CCSER1: variants seen among roughly 807,000 people sequenced by gnomAD.
CCSER1 encodes serine-rich coiled-coil domain-containing protein 1.
Under a neutral mutation model 82.0 loss-of-function variants are expected in CCSER1, and 41 were observed. That is an observed-to-expected ratio of 0.50 (90% CI 0.39 to 0.65). The LOEUF (loss-of-function observed/expected upper bound fraction) is 0.65. Among genes scored for constraint, CCSER1 ranks in the 30% least tolerant of loss-of-function variants. CCSER1 has a pLI of 0.00. For missense variants in CCSER1, 1,119 were observed against 1,064.2 expected, an observed-to-expected ratio of 1.05 and a Z score of -0.72; for synonymous variants, 414 against 383.9, an observed-to-expected ratio of 1.08 and a Z score of -0.92.
At chr4:90,382,097 A>T (rs1019051543) in intron 3 of CCSER1, among the ~76,000 whole-genome samples, 17 of 152,122 alleles carry the variant, frequency 1.1e-4, no homozygotes, top group African/African-American at 3.9e-4. Context: ...GGATAAAATA[A>T]AAACATTTGT....
At chr4:90,284,712 T>C (rs1051239811) in intron 1 of CCSER1, among the ~76,000 whole-genome samples, 5 of 151,932 alleles carry the variant, frequency 3.3e-5, no homozygotes, top group Admixed American at 1.3e-4. Context: ...AGGCTGGTCT[T>C]GAACTGCTGA....
intron 10 of CCSER1, among the ~76,000 whole-genome samples, chr4:91,570,728 G>A (rs1763135277): frequency 6.6e-6 from 1 of 152,150 alleles, no homozygotes; most frequent in Non-Finnish European, 1.5e-5. Flanking sequence ...AGGCCTTTGG[G>A]TCTGTGATGG....
chr4:91,392,715 A>G (rs1449230756), intron 10 of CCSER1, among the ~76,000 whole-genome samples: 1 of 152,156 alleles, frequency 6.6e-6, no homozygotes, highest in Non-Finnish European at 1.5e-5. Flanking sequence ...TGATGCATTT[A>G]TATTTAGATA....
intron 5 of CCSER1, among the ~76,000 whole-genome samples, chr4:90,558,224 G>T (rs767503205): frequency 1.3e-5 from 2 of 151,934 alleles, no homozygotes; most frequent in Admixed American, 1.3e-4. Flanking sequence ...TAGCATAGCT[G>T]GGTTGCAATT....
chr4:91,191,359 A>G (rs1048666013), intron 10 of CCSER1, among the ~76,000 whole-genome samples: 1 of 152,126 alleles, frequency 6.6e-6, no homozygotes, highest in African/African-American at 2.4e-5. Context: ...TTCTGCATCA[A>G]GCTTTCTTCT....
intron 10 of CCSER1, among the ~76,000 whole-genome samples, chr4:91,296,581 CA>C (rs1341756259): frequency 6.8e-6 from 1 of 146,710 alleles, no homozygotes; most frequent in Non-Finnish European, 1.5e-5. Context: ...ATATAGTTAA[CA>C]TATAGTTATG....
chr4:91,358,687 A>T lies in CCSER1; in HGVS notation c.2218-239885A>T, dbSNP rs143185527. On this transcript the variant is annotated intron_variant, in intron 10 of 10. Coordinates refer to ENST00000509176, the MANE Select transcript of CCSER1 (RefSeq NM_001145065.2). ...GAGGCAAGTTCCAAAGACTAGTCTT[A>T]CCAAGTTTCAGATGTCCGGACTCCA... is the stretch of plus-strand genomic sequence containing the variant. Among the ~76,000 whole-genome samples, 15 of 152,294 alleles carry T rather than the reference A, an allele frequency of 9.8e-5. No homozygotes were observed. The East Asian group carries it at 1.5e-3, about 16-fold the overall frequency.
intron 8 of CCSER1, among the ~76,000 whole-genome samples, chr4:90,843,680 T>C (rs989085946): frequency 5.3e-5 from 8 of 152,202 alleles, no homozygotes; most frequent in Non-Finnish European, 1.0e-4. Flanking sequence ...GGATTTTCCG[T>C]ATGCCTTGTT....
At chr4:90,368,785 C>CTT (rs1746789556) in intron 3 of CCSER1, among the ~76,000 whole-genome samples, 1 of 151,242 alleles carries the variant, frequency 6.6e-6, no homozygotes, top group African/African-American at 2.4e-5. Context: ...CACACACACA[C>CTT]TACTAAAAAA....
In CCSER1 at chr4:90,308,538, A is replaced by T. The variant is rs772903231; in HGVS notation, c.254A>T (p.Gln85Leu). The change falls in exon 2 of 11, where the codon CAG becomes CTG. Residue 85 changes from glutamine to leucine, a missense_variant. Gln to Leu is a moderately radical substitution (Grantham distance 113). Transcript: ENST00000509176. Reference protein sequence around the residue: ...GSEPKQEPTNQNLSISNGAQP... With the variant: ...GSEPKQEPTNLNLSISNGAQP... ...GAGCCTAAGCAAGAGCCTACCAACC[A>T]GAACCTTAGTATTTCAAATGGTGCT... 1.9e-6 allele frequency: 3 copies of T among 1,613,968 alleles called. No homozygotes were observed. The highest frequency in any genetic ancestry group is 2.5e-6 in the Non-Finnish European group (3 of 1,179,860).
chr4:90,317,857 A>G (rs954382692), intron 3 of CCSER1, among the ~76,000 whole-genome samples: 2 of 152,180 alleles, frequency 1.3e-5, no homozygotes, highest in Non-Finnish European at 2.9e-5. Context: ...AAATACTTTG[A>G]ATTGTGAAAC....
chr4:90,805,648 G>A (rs1757410156), intron 7 of CCSER1, among the ~76,000 whole-genome samples: 1 of 152,198 alleles, frequency 6.6e-6, no homozygotes, highest in African/African-American at 2.4e-5. Flanking sequence ...ACCACACTGA[G>A]TTCCATATTT....
intron 8 of CCSER1, among the ~76,000 whole-genome samples, chr4:90,817,137 CT>C (rs2149771483): frequency 6.6e-6 from 1 of 152,016 alleles, no homozygotes; most frequent in South Asian, 2.1e-4. Context: ...AAATATAGCC[CT>C]CTAGGTACAT....
chr4:91,006,050 A>G (rs1256120446), intron 9 of CCSER1, among the ~76,000 whole-genome samples: 1 of 152,152 alleles, frequency 6.6e-6, no homozygotes, highest in Non-Finnish European at 1.5e-5. Flanking sequence ...TGCGTTGACT[A>G]CTTGAGATCT....
At chr4:91,413,452 C>A (rs1247676414) in intron 10 of CCSER1, among the ~76,000 whole-genome samples, 1 of 150,844 alleles carries the variant, frequency 6.6e-6, no homozygotes, top group African/African-American at 2.4e-5. Context: ...AGAGTGAGAC[C>A]ATGTCTCTCA....
At chr4:90,339,539 C>T (rs1223856227) in intron 3 of CCSER1, among the ~76,000 whole-genome samples, 3 of 152,092 alleles carry the variant, frequency 2.0e-5, no homozygotes, top group South Asian at 2.1e-4. Context: ...ACCTTCCTTT[C>T]GCTCCACTAA....
intron 10 of CCSER1, among the ~76,000 whole-genome samples, chr4:91,261,738 C>T (rs1309233824): frequency 1.4e-5 from 2 of 145,962 alleles, no homozygotes; most frequent in African/African-American, 5.2e-5. Flanking sequence ...AAAACAACAA[C>T]AGTGAACCAG....
intron 8 of CCSER1, chr4:90,911,235 G>A (rs1460501756): frequency 2.2e-6 from 1 of 450,750 alleles, no homozygotes; most frequent in Admixed American, 2.4e-5. Flanking sequence ...TATTAATAAA[G>A]TTTAGTGTCT....
chr4:90,645,643 T>TA (rs1727437630), intron 6 of CCSER1, among the ~76,000 whole-genome samples: 2 of 152,220 alleles, frequency 1.3e-5, no homozygotes, highest in Non-Finnish European at 2.9e-5. Flanking sequence ...TTGTTTAACT[T>TA]AACTCTTGGT....
Sources: allele counts gnomAD v4.1 joint callset (sites outside exome capture counted in the v4.1 genomes callset), GRCh38; gene constraint gnomAD v4.1.1; transcripts MANE v1.5; gene names NCBI Gene and HGNC (gene_info 2026-07-23, HGNC 2026-07-21).